Variants in SKAP2 observed in about 807,000 individuals in gnomAD.
The protein encoded by SKAP2 is src kinase associated phosphoprotein 2, also known as src kinase-associated phosphoprotein 2.
A neutral mutation model predicts 54.9 loss-of-function variants in SKAP2; 28 were observed. The observed-to-expected ratio is 0.51, with a 90% CI of 0.38 to 0.70. The LOEUF (loss-of-function observed/expected upper bound fraction) is 0.70, where lower values mean the gene tolerates loss of function less well. Among genes scored for constraint, SKAP2 ranks in the 30% least tolerant of loss-of-function variants. The pLI is 0.00. For synonymous variants in SKAP2, 137 were observed against 134.3 expected (o/e 1.02, Z -0.14); for missense variants, 356 against 424.1 (o/e 0.84, Z 1.41).
intron 5 of SKAP2, among the ~76,000 whole-genome samples, chr7:26,739,321 T>C (rs1272612131): frequency 6.6e-6 from 1 of 152,230 alleles, no homozygotes; most frequent in Non-Finnish European, 1.5e-5. Flanking sequence ...ACAAGAGAGA[T>C]AAGCAGAATG....
At chr7:26,768,953 G>C (rs913808445) in intron 4 of SKAP2, among the ~76,000 whole-genome samples, 1 of 152,146 alleles carries the variant, frequency 6.6e-6, no homozygotes, top group Non-Finnish European at 1.5e-5. Context: ...CTCTTCTCGA[G>C]GAGTATCTTT....
intron 4 of SKAP2, among the ~76,000 whole-genome samples, chr7:26,789,781 G>A (rs1783636294): frequency 6.6e-6 from 1 of 152,156 alleles, no homozygotes; most frequent in African/African-American, 2.4e-5. Flanking sequence ...TACAGTCAAA[G>A]TTGACTCATT....
chr7:26,659,626 T>C, the SKAP2 span, among the ~76,000 whole-genome samples: 1 of 152,152 alleles, frequency 6.6e-6, no homozygotes, highest in African/African-American at 2.4e-5. Flanking sequence ...GGAGCTGTTT[T>C]CTGGGCAATG....
intron 4 of SKAP2, among the ~76,000 whole-genome samples, chr7:26,772,692 C>CAA (rs1486903013): frequency 6.6e-6 from 1 of 152,160 alleles, no homozygotes; most frequent in African/African-American, 2.4e-5. Flanking sequence ...CAGCACTTTA[C>CAA]AAAGCATTTG....
intron 4 of SKAP2, among the ~76,000 whole-genome samples, chr7:26,761,069 C>T (rs542871931): frequency 5.3e-5 from 8 of 151,904 alleles, no homozygotes; most frequent in East Asian, 1.9e-4. Flanking sequence ...ATGAAATGCG[C>T]GAAAGTGGAA....
At chr7:26,740,471 A>G (rs1782415006) in intron 4 of SKAP2, among the ~76,000 whole-genome samples, 1 of 152,178 alleles carries the variant, frequency 6.6e-6, no homozygotes, top group African/African-American at 2.4e-5. Context: ...AATGTTATGG[A>G]CATTCCACTG....
intron 4 of SKAP2, among the ~76,000 whole-genome samples, chr7:26,800,695 T>C (rs1279201069): frequency 6.6e-6 from 1 of 152,134 alleles, no homozygotes; most frequent in Non-Finnish European, 1.5e-5. Context: ...ATTCAAAGGA[T>C]TGTCAGTGTC....
chr7:26,849,680 C>A (rs1784998555), intron 3 of SKAP2, among the ~76,000 whole-genome samples: 1 of 131,126 alleles, frequency 7.6e-6, no homozygotes, highest in Admixed American at 7.7e-5. Context: ...GAGTGAGACT[C>A]CATCTCAAAA....
intron 4 of SKAP2, among the ~76,000 whole-genome samples, chr7:26,781,039 T>C (rs149770390): frequency 1.1e-3 from 167 of 152,274 alleles, no homozygotes; most frequent in Admixed American, 3.5e-3. Context: ...TATTTACCAA[T>C]GTTTATTTTA....
chr7:26,775,638 A>C (rs1176854472), intron 4 of SKAP2, among the ~76,000 whole-genome samples: 5 of 151,746 alleles, frequency 3.3e-5, no homozygotes, highest in Admixed American at 6.6e-5. Flanking sequence ...AAAAGTTCCA[A>C]CACCACAAGG....
rs58826714 is a variant in SKAP2, at chr7:26,717,509, C to CAAAAAAAAAAAAAAAAAAA, written c.796+7900_796+7918dup. ...TGGGTGACAGAGCAAGACCCCATCT[C>CAAAAAAAAAAAAAAAAAAA]AAAAAAAAAAAAAAAAAAAAAAAAA... On this transcript the variant is annotated intron_variant, in intron 9 of 12. Coordinates refer to ENST00000345317, the MANE Select transcript of SKAP2 (RefSeq NM_003930.5). 5.6e-4 allele frequency among the ~76,000 whole-genome samples: 13 copies of CAAAAAAAAAAAAAAAAAAA among 23,134 alleles called. 2 individuals carry two copies. The highest frequency in any genetic ancestry group is 9.4e-4 in the Non-Finnish European group (9 of 9,594). 15.2% of individuals were successfully genotyped at this position (23,134 alleles called of 152,430 possible).
intron 9 of SKAP2, among the ~76,000 whole-genome samples, chr7:26,712,261 T>C (rs1466256977): frequency 6.6e-6 from 1 of 152,136 alleles, no homozygotes; most frequent in African/African-American, 2.4e-5. Flanking sequence ...TGTCAAAAAG[T>C]TTCAGATTTT....
chr7:26,864,510 A>C lies in SKAP2; in HGVS notation c.-81T>G. The stretch of plus-strand genomic sequence containing the variant: ...GGGTGGGGCTGCGGCTGCGACCTAG[A>C]CTCAGGCTAGCGGCCCGGATTAAGA... On this transcript the variant is annotated 5_prime_UTR_variant, in exon 1 of 13. Coordinates refer to ENST00000345317, the MANE Select transcript of SKAP2 (RefSeq NM_003930.5). 1.3e-6 allele frequency: 2 copies of C among 1,510,990 alleles called. No homozygotes were observed. Among genetic ancestry groups the C allele is most frequent in the South Asian group, 2.6e-5 (2 of 77,256 alleles). 93.6% of individuals were successfully genotyped at this position (1,510,990 alleles called of 1,614,324 possible).
At position 26,725,968 on chromosome 7, in the gene SKAP2, T is replaced by G; in HGVS notation, c.613A>C (p.Lys205Gln). 1 of 1,610,114 alleles carries G rather than the reference T, an allele frequency of 6.2e-7. No homozygotes were observed. The highest frequency in any genetic ancestry group is 8.5e-7 in the Non-Finnish European group (1 of 1,177,654). Residue 205 changes from lysine to glutamine, a missense_variant, in exon 8 of 13, where the codon AAA (lysine) becomes CAA (glutamine). Physicochemically the swap from Lys to Gln is moderately conservative, Grantham distance 53. Coordinates refer to ENST00000345317, the MANE Select transcript of SKAP2 (RefSeq NM_003930.5). ...RIYQFTAASP[K>Q]DAEEWVQQLK... The stretch of plus-strand genomic sequence containing the variant: ...TGCTGTACCCATTCTTCAGCATCTT[T>G]GGGAGAAGCTGCTGTAAACTAATAT...
At chr7:26,775,727 G>A (rs1783292326) in intron 4 of SKAP2, among the ~76,000 whole-genome samples, 1 of 152,018 alleles carries the variant, frequency 6.6e-6, no homozygotes, top group Admixed American at 6.6e-5. Flanking sequence ...ACCACTCTGT[G>A]TCCTCCATTT....
At chr7:26,741,528 G>T (rs1208978461) in intron 4 of SKAP2, among the ~76,000 whole-genome samples, 1 of 149,766 alleles carries the variant, frequency 6.7e-6, no homozygotes, top group African/African-American at 2.5e-5. Flanking sequence ...AATAGAGTGA[G>T]ACCCTGTCTC....
downstream of SKAP2, among the ~76,000 whole-genome samples, chr7:26,666,697 C>T (rs181179233): frequency 4.8e-3 from 725 of 152,192 alleles, 1 homozygote; most frequent in Non-Finnish European, 7.3e-3. Context: ...TAAATTAGCA[C>T]ACAGTAAAAA....
intron 9 of SKAP2, among the ~76,000 whole-genome samples, chr7:26,705,433 C>T (rs949499407): frequency 2.6e-5 from 4 of 152,076 alleles, no homozygotes; most frequent in Non-Finnish European, 5.9e-5. Context: ...AAAGAGAATA[C>T]ACAAAATGAC....
At chr7:26,755,054 T>C (rs1231125966) in intron 4 of SKAP2, among the ~76,000 whole-genome samples, 1 of 152,224 alleles carries the variant, frequency 6.6e-6, no homozygotes, top group Non-Finnish European at 1.5e-5. Flanking sequence ...TCAGCTGTAA[T>C]TAAATCATGT....
Sources: gnomAD v4.1 joint callset for allele counts (sites outside exome capture counted in the v4.1 genomes callset) on GRCh38, gnomAD v4.1.1 for gene constraint, MANE v1.5 for transcripts, NCBI Gene and HGNC (gene_info 2026-07-23, HGNC 2026-07-21) for gene names.